ABCB10: variants seen among roughly 807,000 people sequenced by gnomAD.
ABCB10 encodes the protein ATP-binding cassette sub-family B member 10, mitochondrial.
A neutral mutation model predicts 65.4 loss-of-function variants in ABCB10; 54 were observed. The ratio of observed to expected loss-of-function variants is 0.83; its 90% CI spans 0.66 to 1.04. The LOEUF (loss-of-function observed/expected upper bound fraction) is 1.04, where lower values mean the gene tolerates loss of function less well. Ranked by LOEUF, ABCB10 falls within the 50% of genes least tolerant of loss-of-function variation. The pLI is 0.00. For missense variants in ABCB10, 846 were observed against 976.6 expected, an observed-to-expected ratio of 0.87 and a Z score of 1.78; for synonymous variants, 418 against 406.5, an observed-to-expected ratio of 1.03 and a Z score of -0.34.
In ABCB10 at chr1:229,518,050, A is replaced by G. The variant is rs1662215050; in HGVS notation, c.*129T>C. 2.9e-6 allele frequency: 2 copies of G among 684,356 alleles called. No individual in the cohort carries two copies. The highest frequency in any genetic ancestry group is 5.0e-6 in the Non-Finnish European group (2 of 402,882). 42.4% of individuals were successfully genotyped at this position (684,356 alleles called of 1,614,324 possible). A position where few individuals can be genotyped will look rare whatever the true frequency, so the allele number is the denominator to read the frequency against. ...TACGTTTCAAAACAATCTTTTACAC[A>G]CTTTGGAAAAAAATAGGTATTTTTC... On this transcript the variant is annotated 3_prime_UTR_variant, in exon 13 of 13. Coordinates refer to ENST00000344517, the MANE Select transcript of ABCB10 (RefSeq NM_012089.3).
At chr1:229,521,177 C>G (rs1002155990) in intron 11 of ABCB10, among the ~76,000 whole-genome samples, 6 of 152,076 alleles carry the variant, frequency 3.9e-5, no homozygotes, top group Non-Finnish European at 8.8e-5. Context: ...AATGGCTCTT[C>G]CCTTTCCTTC....
intron 2 of ABCB10, among the ~76,000 whole-genome samples, chr1:229,548,151 G>A (rs555808505): frequency 1.1e-4 from 17 of 151,790 alleles, no homozygotes; most frequent in South Asian, 4.2e-4. Context: ...ACAGATGTCC[G>A]CCACTACACC....
At position 229,546,422 on chromosome 1, in the gene ABCB10, G is replaced by T. The variant is rs568263211; in HGVS notation, c.921+1077C>A. On this transcript the variant is annotated intron_variant, in intron 3 of 12. Transcript: ENST00000344517. The stretch of plus-strand genomic sequence containing the variant: ...AGTCAAAAGTTATACTTTGATTTTT[G>T]ACTGTGTGGGCTTCAGTGTCCCAAC... Among the ~76,000 whole-genome samples the T allele has an allele frequency of 2.6e-4, 40 of 152,200 alleles. No homozygotes were observed. In the South Asian group the frequency reaches 8.1e-3, roughly 31 times the overall value.
intron 2 of ABCB10, 43 bp from the exon 3 acceptor site, chr1:229,547,744 TCCATTA>T (rs1663004203): frequency 6.3e-7 from 1 of 1,593,630 alleles, no homozygotes; most frequent in African/African-American, 1.3e-5. Flanking sequence ...GGTAAAGACA[TCCATTA>T]CCATTATGGG....
intron 9 of ABCB10, 77 bp from the exon 10 acceptor site, chr1:229,526,193 C>T: frequency 2.8e-6 from 4 of 1,404,664 alleles, no homozygotes; most frequent in Non-Finnish European, 3.9e-6. Flanking sequence ...ACCTAGCAGT[C>T]TTTTTTAAAA....
At chr1:229,540,856 GA>G in intron 4 of ABCB10, 104 bp from the exon 5 acceptor site, 1 of 1,287,798 alleles carries the variant, frequency 7.8e-7, no homozygotes, top group Non-Finnish European at 1.0e-6. Context: ...TCATTAGAAA[GA>G]AAAGAAAAGA....
chr1:229,539,362 G>T, intron 6 of ABCB10, 94 bp downstream of exon 6: 1 of 1,509,502 alleles, frequency 6.6e-7, no homozygotes, highest in Non-Finnish European at 9.1e-7. Flanking sequence ...TTCAGTGGAA[G>T]TTAATTGAAG....
Position 229,527,326 on chromosome 1 carries a change from A to C in ABCB10, c.1646-18T>G. The C allele has an allele frequency of 6.2e-7, 1 of 1,601,936 alleles. No individual in the cohort carries two copies. The highest frequency in any genetic ancestry group is 8.6e-7 in the Non-Finnish European group (1 of 1,169,398). On this transcript the variant is annotated intron_variant, in intron 8 of 12. Coordinates refer to ENST00000344517, the MANE Select transcript of ABCB10 (RefSeq NM_012089.3). The stretch of plus-strand genomic sequence containing the variant: ...AATAGTTCCTTGTTGAGAGGAAAGG[A>C]AAGGAAAGAGTCACTGAGTGTGATG...
In ABCB10 at chr1:229,525,926, A is replaced by C; in HGVS notation, c.1906+10T>G. The C allele has an allele frequency of 4.4e-6, 7 of 1,600,440 alleles. No individual in the cohort carries two copies. Among genetic ancestry groups the C allele is most frequent in the Non-Finnish European group, 6.0e-6 (7 of 1,174,096 alleles). Reference sequence around the variant, plus strand: ...TAGAGACTTTGCTACAAAGCAGTAAAGAAATGCACCTGAGAGGAGAACACC... The same window carrying C: ...TAGAGACTTTGCTACAAAGCAGTAACGAAATGCACCTGAGAGGAGAACACC... On this transcript the variant is annotated intron_variant, in intron 10 of 12. Transcript: ENST00000344517.
At chr1:229,546,585 T>A (rs1662972128) in intron 3 of ABCB10, among the ~76,000 whole-genome samples, 1 of 152,148 alleles carries the variant, frequency 6.6e-6, no homozygotes. Context: ...TTAAAATTAA[T>A]CTCAGCCAGG....
chr1:229,558,641 G>T lies in ABCB10; in HGVS notation c.12C>A (p.Pro4=). Residue 4 remains proline (P), a synonymous_variant, in exon 1 of 13, where the codon CCC becomes CCA. Transcript: ENST00000344517. The stretch of plus-strand genomic sequence containing the variant: ...CGAGCAGCCGCAGCGGCCAGGCAGG[G>T]GGGCCTCGCATGGCGCTGCGTGCGA... MRG[P]PAWPLRLLEP... is the part of the protein sequence containing the mutation. The T allele has an allele frequency of 7.3e-7, 1 of 1,371,862 alleles. No homozygotes were observed. Among genetic ancestry groups the T allele is most frequent in the Non-Finnish European group, 9.4e-7 (1 of 1,063,890 alleles). The allele number at this position is 1,371,862 out of a possible 1,614,324, so 85.0% of individuals were successfully genotyped here. A position where few individuals can be genotyped will look rare whatever the true frequency, so the allele number is the denominator to read the frequency against.
chr1:229,521,452 A>C, intron 11 of ABCB10, 140 bp downstream of exon 11: 3 of 920,202 alleles, frequency 3.3e-6, no homozygotes, highest in South Asian at 3.4e-5. Flanking sequence ...TTTCACCAGA[A>C]CTGTCACCCT....
chr1:229,518,901 A>G (rs1190417422), intron 11 of ABCB10, 26 bp from the exon 12 acceptor site: 2 of 1,552,580 alleles, frequency 1.3e-6, no homozygotes, highest in African/African-American at 2.8e-5. Context: ...AAAGGAAAAG[A>G]TAAAATAATT....
Position 229,558,139 on chromosome 1 carries a change from C to T in ABCB10, c.514G>A (p.Ala172Thr). 1 of 1,404,754 alleles carries T rather than the reference C, an allele frequency of 7.1e-7. No homozygotes were observed. Among genetic ancestry groups the T allele is most frequent in the Non-Finnish European group, 9.2e-7 (1 of 1,082,706 alleles). The allele number at this position is 1,404,754 out of a possible 1,614,324, so 87.0% of individuals were successfully genotyped here. A position where few individuals can be genotyped will look rare whatever the true frequency, so the allele number is the denominator to read the frequency against. ...AAGTGGCCGGGGAGGACCCTACCTG[C>T]CAGCCTCCGGCGCTCAGGGTACGCC... ...GLAYPERRRLAAAVGFLTMSS... is the reference protein window; with the variant it reads ...GLAYPERRRLTAAVGFLTMSS... Residue 172 changes from alanine to threonine, a missense_variant, in exon 1 of 13, where the codon GCA becomes ACA. Transcript: ENST00000344517.
intron 6 of ABCB10, among the ~76,000 whole-genome samples, chr1:229,534,266 C>T (rs867346729): frequency 5.3e-5 from 8 of 152,266 alleles, no homozygotes; most frequent in Admixed American, 1.3e-4. Flanking sequence ...AGAACACTGA[C>T]GCCACTAAAT....
intron 11 of ABCB10, among the ~76,000 whole-genome samples, chr1:229,520,987 C>T (rs748732338): frequency 6.6e-5 from 10 of 151,928 alleles, no homozygotes; most frequent in Non-Finnish European, 1.0e-4. Context: ...CAACCAACTC[C>T]GCAAATTTAC....
intron 1 of ABCB10, among the ~76,000 whole-genome samples, chr1:229,552,489 T>C (rs1438792378): frequency 1.3e-5 from 2 of 152,178 alleles, no homozygotes; most frequent in Non-Finnish European, 2.9e-5. Flanking sequence ...GTTACCTCAT[T>C]CTACTGAATT....
chr1:229,542,195 C>T (rs1402464670), intron 4 of ABCB10, 42 bp downstream of exon 4: 1 of 1,605,922 alleles, frequency 6.2e-7, no homozygotes, highest in East Asian at 2.2e-5. Flanking sequence ...TGGCTATGAC[C>T]CCATTCTGCT....
chr1:229,522,123 T>C (rs983076686), intron 10 of ABCB10, among the ~76,000 whole-genome samples: 2 of 152,280 alleles, frequency 1.3e-5, no homozygotes, highest in Admixed American at 6.5e-5. Context: ...CCTCCCAAAG[T>C]GCTGGGATTA....
Sources: allele counts gnomAD v4.1 joint callset (sites outside exome capture counted in the v4.1 genomes callset), GRCh38; gene constraint gnomAD v4.1.1; transcripts MANE v1.5; gene names NCBI Gene and HGNC (gene_info 2026-07-23, HGNC 2026-07-21).